Variants in ARFGEF2 observed in about 807,000 individuals in gnomAD.
The protein encoded by ARFGEF2 is ARF guanine nucleotide exchange factor 2.
Under a neutral mutation model 219.9 loss-of-function variants are expected in ARFGEF2, and 74 were observed. The ratio of observed to expected loss-of-function variants is 0.34; its 90% CI spans 0.28 to 0.41. ARFGEF2 has a LOEUF of 0.41. Ranked by LOEUF, ARFGEF2 falls within the 10% of genes least tolerant of loss-of-function variation. The pLI, the probability that ARFGEF2 is intolerant of heterozygous loss-of-function variation, is 1.00. For synonymous variants in ARFGEF2, 733 were observed against 799.2 expected (o/e 0.92, Z 1.40); for missense variants, 1,743 against 2,218.3 (o/e 0.79, Z 4.30).
chr20:48,936,087 C>A (rs1403599107), intron 1 of ARFGEF2, among the ~76,000 whole-genome samples: 1 of 145,234 alleles, frequency 6.9e-6, no homozygotes, highest in African/African-American at 2.6e-5. Context: ...TGAACCCCCA[C>A]CTCCCTCCCG....
intron 9 of ARFGEF2, among the ~76,000 whole-genome samples, chr20:48,969,955 TGTCATTA>T (rs2091214619): frequency 2.0e-5 from 3 of 152,246 alleles, no homozygotes; most frequent in Admixed American, 2.0e-4. Context: ...CTATTGTTCC[TGTCATTA>T]GTCATTAATA....
chr20:49,003,214 C>T (rs1022295994), intron 25 of ARFGEF2, among the ~76,000 whole-genome samples: 2 of 151,342 alleles, frequency 1.3e-5, no homozygotes, highest in African/African-American at 2.4e-5. Flanking sequence ...GTGATCCTCC[C>T]GCCTGAGCCT....
intron 25 of ARFGEF2, among the ~76,000 whole-genome samples, chr20:48,998,976 G>A (rs984668837): frequency 9.2e-5 from 14 of 152,066 alleles, no homozygotes; most frequent in African/African-American, 3.4e-4. Context: ...AGTGGCTCAC[G>A]CCTGTAATCC....
chr20:48,947,400 C>A, intron 3 of ARFGEF2, among the ~76,000 whole-genome samples: 1 of 145,518 alleles, frequency 6.9e-6, no homozygotes, highest in Non-Finnish European at 1.5e-5. Flanking sequence ...ACTCTGCCTC[C>A]AAAAATTAAA....
chr20:49,033,392 G>A lies in ARFGEF2; in HGVS notation c.*193G>A. On this transcript the variant is annotated 3_prime_UTR_variant, in exon 39 of 39. Coordinates refer to ENST00000371917, the MANE Select transcript of ARFGEF2 (RefSeq NM_006420.3). The stretch of plus-strand genomic sequence containing the variant: ...GCTTATGGTATTTCATTAAACTGTT[G>A]CATACCCAGTTAGCACAGTAGGTGG... 1 of 619,776 alleles carries A rather than the reference G, an allele frequency of 1.6e-6. No individual in the cohort carries two copies. Among genetic ancestry groups the A allele is most frequent in the Non-Finnish European group, 2.8e-6 (1 of 353,458 alleles). 38.4% of individuals were successfully genotyped at this position (619,776 alleles called of 1,614,324 possible).
intron 1 of ARFGEF2, among the ~76,000 whole-genome samples, chr20:48,929,624 G>A (rs2090900955): frequency 6.6e-6 from 1 of 152,202 alleles, no homozygotes. Flanking sequence ...TGGGGTGAGG[G>A]AAGACTTCCC....
At chr20:48,980,750 C>T (rs1045865090) in intron 14 of ARFGEF2, among the ~76,000 whole-genome samples, 6 of 152,104 alleles carry the variant, frequency 3.9e-5, no homozygotes, top group Non-Finnish European at 8.8e-5. Context: ...CCTTCTTTGT[C>T]TCTTTCGATC....
At chr20:48,988,205 AG>A (rs2091337178) in intron 16 of ARFGEF2, 98 bp from the exon 17 acceptor site, 2 of 823,976 alleles carry the variant, frequency 2.4e-6, no homozygotes, top group Admixed American at 3.9e-5. Flanking sequence ...AATCAAGGGG[AG>A]TAGTCGGCTG....
In ARFGEF2 at chr20:48,988,661, G is replaced by T. The variant is rs1167773290; in HGVS notation, c.2532G>T (p.Gln844His). ...ELTIATKSTK[Q>H]NVASEKQRRL... ...CGATTGCAACCAAATCTACTAAGCA[G>T]AGTAAGGTCTAATGGCAAATTATTT... Residue 844 changes from glutamine (Q) to histidine (H), a missense_variant and splice_region_variant, in exon 18 of 39, where the codon CAG (glutamine) becomes CAT (histidine). Around this residue, in one of 5 missense-constraint regions of ARFGEF2, gnomAD observed 666 missense variants for 955.4 expected, o/e 0.70. Coordinates refer to ENST00000371917, the MANE Select transcript of ARFGEF2 (RefSeq NM_006420.3). 4 of 1,612,772 alleles carry T rather than the reference G, an allele frequency of 2.5e-6. No homozygotes were observed. Among genetic ancestry groups the T allele is most frequent in the Non-Finnish European group, 3.4e-6 (4 of 1,179,524 alleles).
At chr20:48,971,697 C>G (rs1445668403) in intron 10 of ARFGEF2, among the ~76,000 whole-genome samples, 3 of 152,022 alleles carry the variant, frequency 2.0e-5, no homozygotes, top group Non-Finnish European at 4.4e-5. Context: ...GTCAGGAGAT[C>G]GAGACCATCC....
In ARFGEF2 at chr20:48,969,268, C is replaced by T; in HGVS notation, c.1181C>T (p.Pro394Leu). The T allele has an allele frequency of 6.2e-7, 1 of 1,614,212 alleles. No individual in the cohort carries two copies. The highest frequency in any genetic ancestry group is 8.5e-7 in the Non-Finnish European group (1 of 1,180,016). Residue 394 changes from proline to leucine, a missense_variant, in exon 9 of 39, where the codon CCA (proline) becomes CTA (leucine). Pro to Leu is a moderately conservative substitution (Grantham distance 98). This residue lies in a region of ARFGEF2 where 666 missense variants were observed against 955.4 expected (regional missense o/e 0.70). Transcript: ENST00000371917. ...ATGAAACCCCTTGGTGAAGGCCCTC[C>T]AGACCCAAAGTAAGCAGACAGCAGT... ...LSMKPLGEGP[P>L]DPKSHELRSK... is the part of the protein sequence containing the mutation.
At chr20:48,984,542 A>C (rs532089951) in intron 14 of ARFGEF2, among the ~76,000 whole-genome samples, 187 bp from the exon 15 acceptor site, 1 of 152,342 alleles carries the variant, frequency 6.6e-6, no homozygotes, top group Admixed American at 6.5e-5. Context: ...GCAGACTCTG[A>C]CCAGGTATAG....
At chr20:48,930,919 A>G (rs1465673703) in intron 1 of ARFGEF2, among the ~76,000 whole-genome samples, 1 of 152,238 alleles carries the variant, frequency 6.6e-6, no homozygotes, top group Non-Finnish European at 1.5e-5. Flanking sequence ...AGAGATGGGT[A>G]AGAAGCGGAG....
Position 48,941,958 on chromosome 20 carries a change from G to T in ARFGEF2, c.247G>T (p.Val83Leu). The T allele has an allele frequency of 6.2e-7, 1 of 1,614,136 alleles. No individual in the cohort carries two copies. The highest frequency in any genetic ancestry group is 8.5e-7 in the Non-Finnish European group (1 of 1,180,032). The change falls in exon 3 of 39, where the codon GTA (valine) becomes TTA (leucine). Residue 83 changes from valine to leucine, a missense_variant. Val to Leu is a conservative substitution (Grantham distance 32). Coordinates refer to ENST00000371917, the MANE Select transcript of ARFGEF2 (RefSeq NM_006420.3). ...ELACQSKSPRVVSTSLDCLQK... is the reference protein window; with the variant it reads ...ELACQSKSPRLVSTSLDCLQK... The stretch of plus-strand genomic sequence containing the variant: ...AGCTTGCCAGTCCAAGTCCCCAAGG[G>T]TAGTCAGCACATCCCTTGACTGCTT...
rs1419093610 is a variant in ARFGEF2, at chr20:48,944,853, G to A, written c.276+2866G>A. On this transcript the variant is annotated intron_variant, in intron 3 of 38. Coordinates refer to ENST00000371917, the MANE Select transcript of ARFGEF2 (RefSeq NM_006420.3). ...ATGAGCCAAATCTGGCCTACTGTCT[G>A]CTTTTGCAAATAAAGTTTTATTGGA... Among the ~76,000 whole-genome samples, 8 of 152,148 alleles carry A rather than the reference G, an allele frequency of 5.3e-5. No individual in the cohort carries two copies. In the South Asian group the frequency reaches 1.5e-3, roughly 28 times the overall value.
chr20:48,989,524 T>A (rs1158807864), intron 19 of ARFGEF2, 32 bp from the exon 20 acceptor site: 1 of 1,614,146 alleles, frequency 6.2e-7, no homozygotes, highest in Non-Finnish European at 8.5e-7. Context: ...GCTAAAACTC[T>A]GGATGTTATT....
chr20:48,946,430 T>C (rs980949522), intron 3 of ARFGEF2, among the ~76,000 whole-genome samples: 7 of 151,984 alleles, frequency 4.6e-5, no homozygotes, highest in African/African-American at 1.7e-4. Context: ...GTCAGTCTTG[T>C]CTAAGCTACT....
chr20:49,006,045 C>T, intron 26 of ARFGEF2, among the ~76,000 whole-genome samples: 1 of 152,032 alleles, frequency 6.6e-6, no homozygotes, highest in Non-Finnish European at 1.5e-5. Flanking sequence ...CCTGTAATCC[C>T]AACACTTTGG....
At chr20:49,011,893 C>G in intron 27 of ARFGEF2, 31 bp from the exon 28 acceptor site, 1 of 1,613,820 alleles carries the variant, frequency 6.2e-7, no homozygotes, top group Non-Finnish European at 8.5e-7. Flanking sequence ...AAATCCTGGT[C>G]TTATGAAAAA....
Sources: allele counts gnomAD v4.1 joint callset (sites outside exome capture counted in the v4.1 genomes callset), GRCh38; gene constraint gnomAD v4.1.1; regional missense constraint gnomAD v4.1.1; transcripts MANE v1.5; gene names NCBI Gene and HGNC (gene_info 2026-07-23, HGNC 2026-07-21).